The following AUTS2 variants were observed in gnomAD, a reference collection of about 807,000 sequenced individuals.
AUTS2 encodes autism susceptibility gene 2 protein.
A neutral mutation model predicts 112.4 loss-of-function variants in AUTS2; 17 were observed. The ratio of observed to expected loss-of-function variants is 0.15; its 90% CI spans 0.10 to 0.23. AUTS2 has a LOEUF of 0.23. AUTS2 is among the 10% of genes least tolerant of loss of function. AUTS2 has a pLI of 1.00. For missense variants in AUTS2, 1,510 were observed against 1,701.6 expected (o/e 0.89, Z 1.98); for synonymous variants, 751 against 702.7 (o/e 1.07, Z -1.09).
intron 5 of AUTS2, among the ~76,000 whole-genome samples, chr7:70,528,574 C>T (rs763129884): frequency 3.3e-5 from 5 of 151,832 alleles, no homozygotes; most frequent in Non-Finnish European, 4.4e-5. Context: ...GTTTCTAATT[C>T]GGAGAGGTGA....
chr7:69,601,849 G>A (rs758740860), intron 1 of AUTS2, among the ~76,000 whole-genome samples: 7 of 151,932 alleles, frequency 4.6e-5, no homozygotes, highest in Non-Finnish European at 7.4e-5. Context: ...AGAACATGCT[G>A]CTTGGAATTT....
At chr7:70,406,624 G>C (rs1794547727) in intron 4 of AUTS2, among the ~76,000 whole-genome samples, 1 of 152,198 alleles carries the variant, frequency 6.6e-6, no homozygotes, top group Admixed American at 6.5e-5. Context: ...TCACGTGGGT[G>C]TATCTATGTG....
intron 4 of AUTS2, among the ~76,000 whole-genome samples, chr7:70,171,958 G>A (rs560740377): frequency 5.3e-5 from 8 of 151,684 alleles, no homozygotes; most frequent in Admixed American, 2.6e-4. Context: ...TTTTTAAGAC[G>A]AAGGACTACA....
At chr7:69,644,700 C>A (rs965545037) in intron 1 of AUTS2, among the ~76,000 whole-genome samples, 1 of 152,044 alleles carries the variant, frequency 6.6e-6, no homozygotes, top group African/African-American at 2.4e-5. Flanking sequence ...CCTCCTAGCA[C>A]TTAATAGGCA....
At chr7:70,471,393 T>G (rs932753437) in intron 5 of AUTS2, among the ~76,000 whole-genome samples, 4 of 152,188 alleles carry the variant, frequency 2.6e-5, no homozygotes, top group African/African-American at 9.7e-5. Context: ...GGTTTTCTTT[T>G]CAGAGGATGT....
chr7:70,755,859 C>G, intron 6 of AUTS2, among the ~76,000 whole-genome samples: 1 of 151,822 alleles, frequency 6.6e-6, no homozygotes, highest in South Asian at 2.1e-4. Context: ...GTATACTTTA[C>G]TAATTACAGT....
chr7:69,618,883 A>G (rs949159835), intron 1 of AUTS2, among the ~76,000 whole-genome samples: 2 of 152,146 alleles, frequency 1.3e-5, no homozygotes, highest in African/African-American at 2.4e-5. Context: ...CTGGCCACAC[A>G]TTAGAATACC....
At chr7:70,391,510 C>G (rs1299276947) in intron 4 of AUTS2, among the ~76,000 whole-genome samples, 5 of 152,132 alleles carry the variant, frequency 3.3e-5, no homozygotes, top group African/African-American at 1.2e-4. Flanking sequence ...CAGGCCCTCA[C>G]AATAAGAGAG....
At chr7:70,520,501 C>A (rs1342792694) in intron 5 of AUTS2, among the ~76,000 whole-genome samples, 1 of 152,198 alleles carries the variant, frequency 6.6e-6, no homozygotes, top group African/African-American at 2.4e-5. Context: ...TGGCTTCCTC[C>A]TTTCATCCAG....
chr7:70,663,840 C>T (rs1402863863), intron 5 of AUTS2, among the ~76,000 whole-genome samples: 1 of 152,188 alleles, frequency 6.6e-6, no homozygotes, highest in Non-Finnish European at 1.5e-5. Flanking sequence ...ACTACCACGT[C>T]TCAGAATGAG....
chr7:70,560,303 C>T (rs1801429361), intron 5 of AUTS2, among the ~76,000 whole-genome samples: 1 of 152,224 alleles, frequency 6.6e-6, no homozygotes, highest in Non-Finnish European at 1.5e-5. Flanking sequence ...CACACCCACA[C>T]ATCCATATAC....
At chr7:69,881,581 T>C (rs1307076897) in intron 1 of AUTS2, among the ~76,000 whole-genome samples, 6 of 152,174 alleles carry the variant, frequency 3.9e-5, no homozygotes, top group Non-Finnish European at 5.9e-5. Context: ...TCTTTTTGCC[T>C]CTCTCTGGTA....
chr7:70,590,676 T>A (rs1802900627), intron 5 of AUTS2, among the ~76,000 whole-genome samples: 1 of 152,168 alleles, frequency 6.6e-6, no homozygotes, highest in Non-Finnish European at 1.5e-5. Flanking sequence ...CCTAAACACA[T>A]GAACGTATTA....
intron 5 of AUTS2, among the ~76,000 whole-genome samples, chr7:70,503,145 C>T (rs1166688329): frequency 1.3e-5 from 2 of 151,904 alleles, no homozygotes; most frequent in African/African-American, 4.8e-5. Context: ...TGCAGCTAGT[C>T]GGTTATTTCA....
At position 69,637,055 on chromosome 7, in the gene AUTS2, G is replaced by A. The variant is rs546318079; in HGVS notation, c.309+37093G>A. ...GCTGGGATTACAGGTGTGAGCCACC[G>A]CGCCCGGCCTGTCCTATAACATTTT... On this transcript the variant is annotated intron_variant, in intron 1 of 18. Coordinates refer to ENST00000342771, the MANE Select transcript of AUTS2 (RefSeq NM_015570.4). 3.7e-4 allele frequency among the ~76,000 whole-genome samples: 57 copies of A among 152,302 alleles called. 1 individual carries two copies. Among genetic ancestry groups the A allele is most frequent in the South Asian group, 2.1e-4 (1 of 4,824 alleles).
intron 4 of AUTS2, among the ~76,000 whole-genome samples, chr7:70,217,878 G>T (rs1429948042): frequency 6.6e-6 from 1 of 152,196 alleles, no homozygotes; most frequent in Non-Finnish European, 1.5e-5. Context: ...TTTGTAAGAG[G>T]TTGGTTCTCT....
Position 69,808,293 on chromosome 7 carries a change from A to G in AUTS2, c.310-90993A>G, listed in dbSNP as rs950697227. Among the ~76,000 whole-genome samples the G allele has an allele frequency of 8.5e-5, 13 of 152,208 alleles. No homozygotes were observed. The East Asian group carries it at 2.3e-3, about 27-fold the overall frequency. On this transcript the variant is annotated intron_variant, in intron 1 of 18. Transcript: ENST00000342771. ...TATTTTAACCACCATAGTAGGCCTGACTCCACACCTACTAAATCAAACTCT... is the reference window on the plus strand; with the variant it reads ...TATTTTAACCACCATAGTAGGCCTGGCTCCACACCTACTAAATCAAACTCT...
At chr7:70,427,927 T>C (rs1167087111) in intron 4 of AUTS2, among the ~76,000 whole-genome samples, 1 of 152,206 alleles carries the variant, frequency 6.6e-6, no homozygotes, top group Non-Finnish European at 1.5e-5. Flanking sequence ...GATTCTCTTG[T>C]ATCTCCTGAA....
At chr7:69,913,558 A>G (rs993337718) in intron 2 of AUTS2, among the ~76,000 whole-genome samples, 2 of 152,176 alleles carry the variant, frequency 1.3e-5, no homozygotes, top group African/African-American at 4.8e-5. Context: ...TATGTCACAT[A>G]TTGGGAAACA....
Sources: gnomAD v4.1 joint callset for allele counts (sites outside exome capture counted in the v4.1 genomes callset) on GRCh38, gnomAD v4.1.1 for gene constraint, MANE v1.5 for transcripts, NCBI Gene and HGNC (gene_info 2026-07-23, HGNC 2026-07-21) for gene names.